ACAD10: variants seen among roughly 807,000 people sequenced by gnomAD.
ACAD10 encodes the protein ACAD-10.
ACAD10 carries 112 observed loss-of-function variants against 116.8 expected under a neutral mutation model. The ratio of observed to expected loss-of-function variants is 0.96; its 90% CI spans 0.82 to 1.12. The LOEUF is 1.12. ACAD10 is among the 50% of genes most tolerant of loss of function. ACAD10 has a pLI of 0.00. For synonymous variants in ACAD10, 486 were observed against 510.6 expected (o/e 0.95, Z 0.65); for missense variants, 1,259 against 1,350.2 (o/e 0.93, Z 1.06).
In ACAD10 at chr12:111,705,764, A is replaced by AT. The variant is rs1566145370; in HGVS notation, c.368dup (p.Ser124LeufsTer6). The AT allele has an allele frequency of 1.9e-6, 3 of 1,613,818 alleles. No individual in the cohort carries two copies. The highest frequency in any genetic ancestry group is 2.5e-6 in the Non-Finnish European group (3 of 1,179,998). The stretch of plus-strand genomic sequence containing the variant: ...TAAAGACCTCCGTGCCTGTGGACTC[A>AT]TTTTTCTCTCTGTTGACCAGTGAGC... On this transcript the variant is annotated frameshift_variant, in exon 4 of 21. Coordinates refer to ENST00000313698, the MANE Select transcript of ACAD10 (RefSeq NM_025247.6). LOFTEE classifies it high-confidence loss of function.
chr12:111,724,162 G>A (rs1357237004), intron 8 of ACAD10, among the ~76,000 whole-genome samples: 1 of 148,470 alleles, frequency 6.7e-6, no homozygotes, highest in East Asian at 2.0e-4. Context: ...CAGGCAGAGG[G>A]GCTCCTCACA....
intron 13 of ACAD10, 125 bp downstream of exon 13, chr12:111,745,168 C>A: frequency 9.2e-7 from 1 of 1,091,318 alleles, no homozygotes; most frequent in Non-Finnish European, 1.3e-6. Flanking sequence ...ATGATCTTTG[C>A]TTCCATCGTC....
At chr12:111,710,160 G>T (rs542994043) in intron 5 of ACAD10, 68 of 356,598 alleles carry the variant, frequency 1.9e-4, no homozygotes, top group South Asian at 1.3e-3. Flanking sequence ...TGCAATCATA[G>T]CTCACTGTAG....
intron 16 of ACAD10, 58 bp from the exon 17 acceptor site, chr12:111,748,259 A>C: frequency 3.3e-5 from 52 of 1,592,222 alleles, no homozygotes; most frequent in Middle Eastern, 1.8e-4. Context: ...CCACGTGTGT[A>C]GAGATTTGAT....
rs1246908164 is a variant in ACAD10, at chr12:111,711,525, T to A, written c.691-973T>A. ...CACCCAGCTGACCTGTGCTAAAATT[T>A]TTTTTTTTTTTTTTTTTGAGATGGA... On this transcript the variant is annotated intron_variant, in intron 5 of 20. Coordinates refer to ENST00000313698, the MANE Select transcript of ACAD10 (RefSeq NM_025247.6). Among the ~76,000 whole-genome samples the A allele has an allele frequency of 2.8e-5, 4 of 141,130 alleles. No homozygotes were observed. The South Asian group carries it at 9.0e-4, about 32-fold the overall frequency. The allele number at this position is 141,130 out of a possible 152,430, so 92.6% of individuals were successfully genotyped here. A position where few individuals can be genotyped will look rare whatever the true frequency, so the allele number is the denominator to read the frequency against.
At chr12:111,693,367 C>T (rs1353356421) in intron 2 of ACAD10, among the ~76,000 whole-genome samples, 1 of 152,026 alleles carries the variant, frequency 6.6e-6, no homozygotes, top group African/African-American at 2.4e-5. Context: ...AGTGAGACCC[C>T]GTATCTGCAG....
At chr12:111,720,106 C>T (rs933675024) in intron 7 of ACAD10, among the ~76,000 whole-genome samples, 7 of 152,140 alleles carry the variant, frequency 4.6e-5, no homozygotes, top group Non-Finnish European at 8.8e-5. Flanking sequence ...TCAGGTGATC[C>T]GCCCGCCTCG....
Position 111,745,015 on chromosome 12 carries a change from G to C in ACAD10, c.2087G>C (p.Ser696Thr), listed in dbSNP as rs372387137. The part of the protein sequence containing the change: ...QSHQASAARW[S>T]PSPLIEDLKE... Reference sequence around the variant, plus strand: ...CACCAGGCCTCAGCAGCCAGGTGGAGCCCCTCCCCACTGATCGAAGACCTC... The same window carrying C: ...CACCAGGCCTCAGCAGCCAGGTGGACCCCCTCCCCACTGATCGAAGACCTC... The change falls in exon 13 of 21, where the codon AGC (serine) becomes ACC (threonine). Residue 696 changes from serine (S) to threonine (T), a missense_variant. By Grantham distance (58) the Ser-to-Thr change is moderately conservative (BLOSUM62 1). Coordinates refer to ENST00000313698, the MANE Select transcript of ACAD10 (RefSeq NM_025247.6). 3 of 1,613,794 alleles carry C rather than the reference G, an allele frequency of 1.9e-6. No individual in the cohort carries two copies. Among genetic ancestry groups the C allele is most frequent in the South Asian group, 2.2e-5 (2 of 91,084 alleles).
At position 111,697,675 on chromosome 12, in the gene ACAD10, C is replaced by T. The variant is rs543941413; in HGVS notation, c.188-4487C>T. 1.4e-4 allele frequency among the ~76,000 whole-genome samples: 21 copies of T among 150,634 alleles called. No homozygotes were observed. In the South Asian group the frequency reaches 4.2e-3, roughly 30 times the overall value. The stretch of plus-strand genomic sequence containing the variant: ...TCTCAGCTCACTGCAAACTTCGCCT[C>T]CCGGGTTCACACCATTCTCCTGCCT... On this transcript the variant is annotated intron_variant, in intron 2 of 20. Transcript: ENST00000313698.
intron 16 of ACAD10, chr12:111,747,668 T>G (rs1889952923): frequency 8.1e-7 from 1 of 1,228,710 alleles, no homozygotes. Context: ...CACTTCCTGC[T>G]GTTCATTCTG....
chr12:111,736,999 TCA>T lies in ACAD10; in HGVS notation c.1712_1713del (p.Thr571ArgfsTer20). The T allele has an allele frequency of 6.2e-7, 1 of 1,613,352 alleles. No individual in the cohort carries two copies. Among genetic ancestry groups the T allele is most frequent in the Non-Finnish European group, 8.5e-7 (1 of 1,179,668 alleles). ...CTACAGGGAGTCTACAAGCGATCACTCACAGGTAATGGGATGGCTGCCCTGAA... is the reference window on the plus strand; with the variant it reads ...CTACAGGGAGTCTACAAGCGATCACTCAGGTAATGGGATGGCTGCCCTGAA... On this transcript the variant is annotated frameshift_variant, in exon 12 of 21. Coordinates refer to ENST00000313698, the MANE Select transcript of ACAD10 (RefSeq NM_025247.6). LOFTEE classifies it high-confidence loss of function.
intron 5 of ACAD10, among the ~76,000 whole-genome samples, chr12:111,711,804 G>C (rs146317800): frequency 6.6e-6 from 1 of 152,084 alleles, no homozygotes; most frequent in African/African-American, 2.4e-5. Flanking sequence ...GAGCCACCGC[G>C]CCCAGCTATG....
intron 1 of ACAD10, among the ~76,000 whole-genome samples, chr12:111,689,714 TTTC>T (rs930901131): frequency 4.0e-5 from 6 of 151,180 alleles, no homozygotes; most frequent in East Asian, 1.9e-4. Context: ...CTTCAAATAT[TTTC>T]TTCTTTTTTT....
intron 18 of ACAD10, among the ~76,000 whole-genome samples, chr12:111,751,766 T>C (rs1182408403): frequency 6.6e-6 from 1 of 150,518 alleles, no homozygotes; most frequent in Non-Finnish European, 1.5e-5. Context: ...TTAAAAATAG[T>C]AGCCAGGTGG....
At position 111,747,165 on chromosome 12, in the gene ACAD10, T is replaced by C; in HGVS notation, c.2373T>C (p.Cys791=). Residue 791 remains cysteine, a synonymous_variant, in exon 15 of 21, where the codon TGT becomes TGC. Transcript: ENST00000313698. ...TGCTGGAGGGGAAAGCCCGCTCCTG[T>C]TTTGCTATGACCGAGCCCCAGGTAC... ...IPLLEGKARS[C]FAMTEPQVAS... The C allele has an allele frequency of 1.2e-6, 2 of 1,611,680 alleles. No homozygotes were observed. The highest frequency in any genetic ancestry group is 2.2e-5 in the South Asian group (2 of 90,926).
chr12:111,743,295 G>A (rs1268370278), intron 12 of ACAD10, among the ~76,000 whole-genome samples: 3 of 152,086 alleles, frequency 2.0e-5, no homozygotes, highest in Non-Finnish European at 4.4e-5. Flanking sequence ...AGATCAGTGG[G>A]TGCTGGGGAT....
At chr12:111,714,292 C>T (rs533851167) in intron 6 of ACAD10, among the ~76,000 whole-genome samples, 11 of 151,674 alleles carry the variant, frequency 7.3e-5, no homozygotes, top group African/African-American at 2.7e-4. Context: ...AACAAATTGT[C>T]TCCATTTCTT....
Position 111,728,027 on chromosome 12 carries a change from T to G in ACAD10, c.1127T>G (p.Leu376Arg). Reference protein sequence around the residue: ...CPGLIYKDPSLPGLEPSHRRA... With the variant: ...CPGLIYKDPSRPGLEPSHRRA... ...GGTCTCATCTACAAAGACCCTTCCC[T>G]GCCAGGCTTGGAGCCCAGCCACAGA... Residue 376 changes from leucine (L) to arginine (R), a missense_variant, in exon 9 of 21, where the codon CTG (leucine) becomes CGG (arginine). By Grantham distance (102) the Leu-to-Arg change is moderately radical. Coordinates refer to ENST00000313698, the MANE Select transcript of ACAD10 (RefSeq NM_025247.6). 1 of 1,614,126 alleles carries G rather than the reference T, an allele frequency of 6.2e-7. No homozygotes were observed. Among genetic ancestry groups the G allele is most frequent in the Non-Finnish European group, 8.5e-7 (1 of 1,180,016 alleles).
chr12:111,755,637 CT>C (rs1295225513), intron 19 of ACAD10, 30 bp from the exon 20 acceptor site: 2 of 1,598,068 alleles, frequency 1.3e-6, no homozygotes, highest in Admixed American at 3.3e-5. Flanking sequence ...GCCCTCGGGT[CT>C]TTTATGATCG....
Sources: allele counts gnomAD v4.1 joint callset (sites outside exome capture counted in the v4.1 genomes callset), GRCh38; gene constraint gnomAD v4.1.1; transcripts MANE v1.5; gene names NCBI Gene and HGNC (gene_info 2026-07-23, HGNC 2026-07-21).